NCAPH2: variants seen among roughly 807,000 people sequenced by gnomAD.
NCAPH2 encodes the protein condensin-2 complex subunit H2.
In NCAPH2, 56 loss-of-function variants were observed where a neutral mutation model predicts 88.6. That is an observed-to-expected ratio of 0.63 (90% CI 0.51 to 0.79). The LOEUF is 0.79. NCAPH2 is among the 30% of genes least tolerant of loss of function. The pLI is 0.00. For missense variants in NCAPH2, 794 were observed against 792.0 expected (o/e 1.00, Z -0.03); for synonymous variants, 378 against 313.6 (o/e 1.21, Z -2.17).
chr22:50,509,607 C>T (rs2068730857), intron 1 of NCAPH2, among the ~76,000 whole-genome samples: 1 of 152,212 alleles, frequency 6.6e-6, no homozygotes, highest in South Asian at 2.1e-4. Flanking sequence ...TAAAACCTTC[C>T]TATTTGGGTT....
intron 9 of NCAPH2, 104 bp downstream of exon 9, chr22:50,519,424 C>T: frequency 6.7e-7 from 1 of 1,499,340 alleles, no homozygotes; most frequent in Non-Finnish European, 8.9e-7. Context: ...TGGCCTTGGC[C>T]CCAGACCACT....
chr22:50,510,410 C>T (rs1193375216), intron 1 of NCAPH2, among the ~76,000 whole-genome samples: 3 of 152,032 alleles, frequency 2.0e-5, no homozygotes, highest in South Asian at 2.1e-4. Flanking sequence ...TGGGAATATT[C>T]TTTCAATGAC....
At position 50,524,316 on chromosome 22, in the gene NCAPH2, A is replaced by G. The variant is rs778685287; in HGVS notation, c.*941A>G. 3.1e-6 allele frequency: 5 copies of G among 1,601,964 alleles called. No individual in the cohort carries two copies. The highest frequency in any genetic ancestry group is 4.2e-6 in the Non-Finnish European group (5 of 1,179,788). ...GCCTTGACAAAAGCCAGGACCTCAG[A>G]TGCAGGGCCTGGCCTCCCAGGGTCC... is the stretch of plus-strand genomic sequence containing the variant. On this transcript the variant is annotated 3_prime_UTR_variant, in exon 20 of 20. Coordinates refer to ENST00000420993, the MANE Select transcript of NCAPH2 (RefSeq NM_152299.4).
chr22:50,519,405 A>G, intron 9 of NCAPH2, 85 bp downstream of exon 9: 1 of 1,570,534 alleles, frequency 6.4e-7, no homozygotes, highest in East Asian at 2.3e-5. Flanking sequence ...CACAAGGAGG[A>G]CAGTGGTATG....
chr22:50,524,767 A>C lies in NCAPH2; in HGVS notation c.*1392A>C, dbSNP rs131810. Reference sequence around the variant, plus strand: ...CACGTTATCTATTTGCAATAAACCCATTTCTTAAAAGGAGGTGGGTAACTC... The same window carrying C: ...CACGTTATCTATTTGCAATAAACCCCTTTCTTAAAAGGAGGTGGGTAACTC... On this transcript the variant is annotated 3_prime_UTR_variant, in exon 20 of 20. Transcript: ENST00000420993. 4 of 447,058 alleles carry C rather than the reference A, an allele frequency of 8.9e-6. No individual in the cohort carries two copies. Among genetic ancestry groups the C allele is most frequent in the Non-Finnish European group, 1.3e-5 (3 of 222,456 alleles). The allele number at this position is 447,058 out of a possible 1,614,324, so 27.7% of individuals were successfully genotyped here. A position where few individuals can be genotyped will look rare whatever the true frequency, so the allele number is the denominator to read the frequency against.
At chr22:50,520,235 G>A (rs2148664913) in intron 9 of NCAPH2, among the ~76,000 whole-genome samples, 2 of 151,836 alleles carry the variant, frequency 1.3e-5, no homozygotes, top group Admixed American at 1.3e-4. Context: ...GTACTAGCAG[G>A]GTTTATTTTT....
chr22:50,513,545 G>A (rs2068842001), intron 1 of NCAPH2, among the ~76,000 whole-genome samples: 1 of 152,256 alleles, frequency 6.6e-6, no homozygotes, highest in Non-Finnish European at 1.5e-5. Context: ...GATCATTTGA[G>A]GTCAGGAGTT....
chr22:50,508,662 G>A (rs1188483240), intron 1 of NCAPH2, among the ~76,000 whole-genome samples: 1 of 152,202 alleles, frequency 6.6e-6, no homozygotes, highest in Non-Finnish European at 1.5e-5. Flanking sequence ...GTCATTGCAG[G>A]TTTCTACCCG....
At chr22:50,514,725 CG>C (rs1489772269) in intron 1 of NCAPH2, among the ~76,000 whole-genome samples, 38 of 152,312 alleles carry the variant, frequency 2.5e-4, no homozygotes, top group African/African-American at 8.9e-4. Flanking sequence ...CCTTACACTC[CG>C]TAGACGACCA....
chr22:50,510,946 A>G (rs1025756979), intron 1 of NCAPH2, among the ~76,000 whole-genome samples: 1 of 150,216 alleles, frequency 6.7e-6, no homozygotes, highest in Non-Finnish European at 1.5e-5. Flanking sequence ...TTCTGGGTTC[A>G]CGCCATTTTC....
rs114256215 is a variant in NCAPH2 at position 50,514,631 on chromosome 22, C to T, written c.109-1816C>T. Among the ~76,000 whole-genome samples, 839 of 152,338 alleles carry T rather than the reference C, an allele frequency of 5.5e-3. 10 individuals carry two copies. Among genetic ancestry groups the T allele is most frequent in the African/African-American group, 0.019 (803 of 41,584 alleles). On this transcript the variant is annotated intron_variant, in intron 1 of 19. Coordinates refer to ENST00000420993, the MANE Select transcript of NCAPH2 (RefSeq NM_152299.4). Reference sequence around the variant, plus strand: ...GGGTCACTGGAGAGAAGGGCCACTTCTGCAGCTCAGCTTCCAGGCCGCCAT... The same window carrying T: ...GGGTCACTGGAGAGAAGGGCCACTTTTGCAGCTCAGCTTCCAGGCCGCCAT...
Position 50,514,633 on chromosome 22 carries a change from G to T in NCAPH2, c.109-1814G>T, listed in dbSNP as rs1212695667. Among the ~76,000 whole-genome samples, 3 of 152,346 alleles carry T rather than the reference G, an allele frequency of 2.0e-5. No homozygotes were observed. In the East Asian group the frequency reaches 5.8e-4, roughly 29 times the overall value. The stretch of plus-strand genomic sequence containing the variant: ...GTCACTGGAGAGAAGGGCCACTTCT[G>T]CAGCTCAGCTTCCAGGCCGCCATCT... On this transcript the variant is annotated intron_variant, in intron 1 of 19. Transcript: ENST00000420993.
chr22:50,519,305 C>A lies in NCAPH2; in HGVS notation c.846C>A (p.Ser282=), dbSNP rs1442165573. 1.9e-6 allele frequency: 3 copies of A among 1,607,924 alleles called. No individual in the cohort carries two copies. Among genetic ancestry groups the A allele is most frequent in the Non-Finnish European group, 2.5e-6 (3 of 1,177,912 alleles). The part of the protein sequence containing the change: ...APKAALEPKE[S]RSPQQSAALP... The stretch of plus-strand genomic sequence containing the variant: ...AGGCCGCTCTGGAGCCCAAGGAGTC[C>A]AGGAGCCCGCAGCAGGTGGGACCCA... Residue 282 remains serine, a synonymous_variant, in exon 9 of 20, where the codon TCC becomes TCA. Coordinates refer to ENST00000420993, the MANE Select transcript of NCAPH2 (RefSeq NM_152299.4).
chr22:50,524,647 G>A lies in NCAPH2; in HGVS notation c.*1272G>A, dbSNP rs2069252572. On this transcript the variant is annotated 3_prime_UTR_variant, in exon 20 of 20. Transcript: ENST00000420993. ...TCCTGTCCTCTACCTGGGATCACCA[G>A]CCTGTCACCGCACCCTGCCCTGCAC... 1.0e-5 allele frequency: 7 copies of A among 700,094 alleles called. No homozygotes were observed. The East Asian group carries it at 2.0e-4, about 20-fold the overall frequency. The allele number at this position is 700,094 out of a possible 1,614,324, so 43.4% of individuals were successfully genotyped here.
At chr22:50,512,157 A>G (rs1451914231) in intron 1 of NCAPH2, among the ~76,000 whole-genome samples, 4 of 152,246 alleles carry the variant, frequency 2.6e-5, no homozygotes, top group Admixed American at 6.5e-5. Flanking sequence ...CTGCCAGGGC[A>G]GGGACCATAC....
rs1354856823 is a variant in NCAPH2, at chr22:50,523,426, G to A, written c.*51G>A. 7 of 1,521,846 alleles carry A rather than the reference G, an allele frequency of 4.6e-6. No homozygotes were observed. In the South Asian group the frequency reaches 7.4e-5, roughly 16 times the overall value. 94.3% of individuals were successfully genotyped at this position (1,521,846 alleles called of 1,614,324 possible). On this transcript the variant is annotated 3_prime_UTR_variant, in exon 20 of 20. Transcript: ENST00000420993. ...GGGAATGTGTACTGAGGAGCCGTGT[G>A]TCTGCTCCTGGCTGGCCCGGCCTAA...
At position 50,524,129 on chromosome 22, in the gene NCAPH2, G is replaced by A. The variant is rs748973032; in HGVS notation, c.*754G>A. 40 of 1,612,552 alleles carry A rather than the reference G, an allele frequency of 2.5e-5. No homozygotes were observed. In the Admixed American group the frequency reaches 4.2e-4, roughly 17 times the overall value. ...TCGCCCTGGCCCACAGCTGCCTGGC[G>A]CAGGGCTTCTGTTCGCTTTTGCTGC... On this transcript the variant is annotated 3_prime_UTR_variant, in exon 20 of 20. Coordinates refer to ENST00000420993, the MANE Select transcript of NCAPH2 (RefSeq NM_152299.4).
rs201538137 is a variant in NCAPH2, at chr22:50,523,551, TCACA to T, written c.*187_*190del. 159 of 1,581,756 alleles carry T rather than the reference TCACA, an allele frequency of 1.0e-4. No individual in the cohort carries two copies. In the African/African-American group the frequency reaches 1.7e-3, roughly 17 times the overall value. On this transcript the variant is annotated 3_prime_UTR_variant, in exon 20 of 20. Transcript: ENST00000420993. The stretch of plus-strand genomic sequence containing the variant: ...GGCCTCCCTGGGCCGCTGGTACAGA[TCACA>T]CACACACACAGATTAAACGCAGCCC...
chr22:50,524,352 C>T lies in NCAPH2; in HGVS notation c.*977C>T, dbSNP rs140507779. ...GGCCTCCCAGGGTCCCAGGGAGGAC[C>T]CGAGGCTTGAGCTGAGAGAGCCTGT... On this transcript the variant is annotated 3_prime_UTR_variant, in exon 20 of 20. Coordinates refer to ENST00000420993, the MANE Select transcript of NCAPH2 (RefSeq NM_152299.4). The T allele has an allele frequency of 5.6e-6, 9 of 1,601,916 alleles. No homozygotes were observed. The highest frequency in any genetic ancestry group is 3.3e-5 in the Admixed American group (2 of 59,984).
Sources: allele counts gnomAD v4.1 joint callset (sites outside exome capture counted in the v4.1 genomes callset), GRCh38; gene constraint gnomAD v4.1.1; transcripts MANE v1.5; gene names NCBI Gene and HGNC (gene_info 2026-07-23, HGNC 2026-07-21).